Variants in CFAP92 observed in about 807,000 individuals in gnomAD.
CFAP92 encodes the protein cilia and flagella associated protein 92 (putative).
Under a neutral mutation model 106.3 loss-of-function variants are expected in CFAP92, and 86 were observed. That is an observed-to-expected ratio of 0.81 (90% CI 0.68 to 0.97). The LOEUF (loss-of-function observed/expected upper bound fraction) is 0.97, where lower values mean the gene tolerates loss of function less well. Among genes scored for constraint, CFAP92 ranks in the 50% least tolerant of loss-of-function variants. The pLI, the probability that CFAP92 is intolerant of heterozygous loss-of-function variation, is 0.00. For missense variants in CFAP92, 1,204 were observed against 1,283.8 expected (o/e 0.94, Z 0.95); for synonymous variants, 477 against 506.4 (o/e 0.94, Z 0.78).
the CFAP92 span, among the ~76,000 whole-genome samples, chr3:129,013,938 G>A: frequency 3.2e-4 from 49 of 152,338 alleles, no homozygotes; most frequent in African/African-American, 1.2e-3. Context: ...GGCAGGGGCA[G>A]GAGCGACTGT....
At chr3:128,919,991 T>G (rs1937136898) in intron 12 of CFAP92, among the ~76,000 whole-genome samples, 1 of 152,172 alleles carries the variant, frequency 6.6e-6, no homozygotes, top group Admixed American at 6.5e-5. Flanking sequence ...AATACCCTCT[T>G]TACCATTTAA....
At chr3:128,927,596 C>T (rs895792034) in intron 12 of CFAP92, among the ~76,000 whole-genome samples, 14 of 151,400 alleles carry the variant, frequency 9.2e-5, no homozygotes, top group East Asian at 2.0e-4. Context: ...TGGTGGCGGG[C>T]GCCTGTAGTC....
chr3:129,002,067 G>T (rs1166413691), intron 1 of CFAP92: 1 of 1,537,776 alleles, frequency 6.5e-7, no homozygotes, highest in East Asian at 2.5e-5. Context: ...CCAGTTCCAC[G>T]CGCGCCTCTG....
intron 4 of CFAP92, among the ~76,000 whole-genome samples, chr3:128,979,714 G>GC: frequency 6.6e-6 from 1 of 151,020 alleles, no homozygotes; most frequent in South Asian, 2.1e-4. Context: ...ACCAAACACC[G>GC]CATGTTCTCA....
chr3:128,945,792 C>T lies in CFAP92; in HGVS notation c.1537G>A (p.Asp513Asn), dbSNP rs1473256439. 5 of 1,527,362 alleles carry T rather than the reference C, an allele frequency of 3.3e-6. No homozygotes were observed. Among genetic ancestry groups the T allele is most frequent in the Middle Eastern group, 1.7e-4 (1 of 5,952 alleles). 94.6% of individuals were successfully genotyped at this position (1,527,362 alleles called of 1,614,324 possible). Residue 513 changes from aspartate (D) to asparagine (N), a missense_variant, in exon 10 of 16, where the codon GAC (aspartate) becomes AAC (asparagine). Transcript: ENST00000645291. ...CACTCCTCTGACTTGCGGTCCCGGT[C>T]GTGAACTTCCACCACCATGGGGGGG... Reference protein sequence around the residue: ...EGPPMVVEVHDRDRKSEECSQ... With the variant: ...EGPPMVVEVHNRDRKSEECSQ...
At chr3:129,025,543 A>G in the CFAP92 span, among the ~76,000 whole-genome samples, 6 of 152,308 alleles carry the variant, frequency 3.9e-5, no homozygotes, top group East Asian at 1.2e-3. Flanking sequence ...AGTGCTTTCA[A>G]GTTTTCTGTC....
At chr3:128,916,382 T>C (rs968844001) in intron 12 of CFAP92, 111 bp from the exon 13 acceptor site, 4 of 685,618 alleles carry the variant, frequency 5.8e-6, no homozygotes, top group African/African-American at 5.6e-5. Context: ...AGGTATTGAT[T>C]GATTCTTCAA....
At chr3:128,924,583 TAC>T (rs1365156656) in intron 12 of CFAP92, among the ~76,000 whole-genome samples, 2 of 151,316 alleles carry the variant, frequency 1.3e-5, no homozygotes, top group Non-Finnish European at 2.9e-5. Flanking sequence ...TAGCTGGGAT[TAC>T]AGTCATGTAC....
rs574343527 is a variant in CFAP92, at chr3:128,984,566, C to T, written c.667+3050G>A. Reference sequence around the variant, plus strand: ...CTTCGGTCACAGACTGAAGGCTGCACTGTCGGCCTCCCTATTTTTGAGGTT... The same window carrying T: ...CTTCGGTCACAGACTGAAGGCTGCATTGTCGGCCTCCCTATTTTTGAGGTT... On this transcript the variant is annotated intron_variant, in intron 4 of 15. Transcript: ENST00000645291. Among the ~76,000 whole-genome samples, 123 of 152,354 alleles carry T rather than the reference C, an allele frequency of 8.1e-4. 2 individuals carry two copies. The South Asian group carries it at 0.024, about 29-fold the overall frequency.
intron 9 of CFAP92, among the ~76,000 whole-genome samples, chr3:128,958,859 C>A (rs1159822272): frequency 6.6e-6 from 1 of 152,014 alleles, no homozygotes; most frequent in Non-Finnish European, 1.5e-5. Context: ...TATGATCACA[C>A]CACTGCACTC....
intron 12 of CFAP92, among the ~76,000 whole-genome samples, chr3:128,922,517 T>G (rs1216350374): frequency 1.3e-5 from 2 of 152,204 alleles, no homozygotes; most frequent in Admixed American, 1.3e-4. Context: ...ATTGGGTTAA[T>G]CTAGTGTCTG....
At chr3:129,021,815 T>C in the CFAP92 span, among the ~76,000 whole-genome samples, 1 of 152,256 alleles carries the variant, frequency 6.6e-6, no homozygotes, top group Non-Finnish European at 1.5e-5. Flanking sequence ...TATTTACATA[T>C]TGAAATGTAT....
upstream of CFAP92, chr3:129,003,902 GC>G: frequency 7.3e-7 from 1 of 1,362,020 alleles, no homozygotes; most frequent in South Asian, 1.7e-5. Flanking sequence ...TGCGGCGGAG[GC>G]CCGCGCTGGG....
intron 2 of CFAP92, among the ~76,000 whole-genome samples, chr3:128,992,199 C>T (rs1944256510): frequency 6.6e-6 from 1 of 152,206 alleles, no homozygotes; most frequent in Non-Finnish European, 1.5e-5. Flanking sequence ...GTTTGTTGCA[C>T]CGCATTTTTG....
At chr3:128,981,242 T>G (rs575336437) in intron 4 of CFAP92, among the ~76,000 whole-genome samples, 1 of 151,628 alleles carries the variant, frequency 6.6e-6, no homozygotes, top group East Asian at 1.9e-4. Context: ...TTCACCACGT[T>G]AGTTAGGATC....
chr3:129,003,486 A>G (rs1944898915), upstream of CFAP92, among the ~76,000 whole-genome samples: 1 of 151,528 alleles, frequency 6.6e-6, no homozygotes, highest in African/African-American at 2.4e-5. Flanking sequence ...GGCCGAGAAG[A>G]GTCGCGAGGT....
At chr3:129,004,368 AC>A (rs1428229958), upstream of CFAP92, among the ~76,000 whole-genome samples, 60 of 44,596 alleles carry the variant, frequency 1.3e-3, no homozygotes, top group East Asian at 2.3e-3. Flanking sequence ...CCATTCACTC[AC>A]CCCCCCCACC....
At chr3:129,016,378 C>T in the CFAP92 span, among the ~76,000 whole-genome samples, 1 of 152,142 alleles carries the variant, frequency 6.6e-6, no homozygotes, top group African/African-American at 2.4e-5. Flanking sequence ...GGCCTACAAG[C>T]TGTAGCTCTT....
upstream of CFAP92, among the ~76,000 whole-genome samples, chr3:129,005,367 G>C (rs1036657775): frequency 2.0e-5 from 3 of 152,258 alleles, no homozygotes; most frequent in African/African-American, 7.2e-5. Context: ...CAAAGCCCTA[G>C]GGCAGAAGGG....
Sources: gnomAD v4.1 joint callset for allele counts (sites outside exome capture counted in the v4.1 genomes callset) on GRCh38, gnomAD v4.1.1 for gene constraint, MANE v1.5 for transcripts, NCBI Gene and HGNC (gene_info 2026-07-23, HGNC 2026-07-21) for gene names.